Variants in TLN2 observed in about 807,000 individuals in gnomAD.
TLN2 encodes talin 2.
Under a neutral mutation model 294.7 loss-of-function variants are expected in TLN2, and 118 were observed. The observed-to-expected ratio is 0.40, with a 90% CI of 0.34 to 0.47. The LOEUF (loss-of-function observed/expected upper bound fraction) is 0.47. TLN2 is among the 20% of genes least tolerant of loss of function. TLN2 has a pLI of 0.84. For missense variants in TLN2, 3,083 were observed against 3,282.2 expected, an observed-to-expected ratio of 0.94 and a Z score of 1.48; for synonymous variants, 1,431 against 1,304.5, an observed-to-expected ratio of 1.10 and a Z score of -2.09.
chr15:62,675,515 C>G (rs1413829370), intron 11 of TLN2, among the ~76,000 whole-genome samples, 194 bp downstream of exon 11: 1 of 152,226 alleles, frequency 6.6e-6, no homozygotes, highest in Non-Finnish European at 1.5e-5. Context: ...TGAGTGAGCG[C>G]TGCTGTCCAG....
intron 3 of TLN2, among the ~76,000 whole-genome samples, chr15:62,619,999 G>C (rs556809413): frequency 1.4e-3 from 218 of 152,082 alleles, no homozygotes; most frequent in Non-Finnish European, 1.7e-3. Context: ...TTTAGAGATG[G>C]AGGTCTTGCT....
At chr15:62,819,492 C>G in intron 52 of TLN2, 24 bp from the exon 53 acceptor site, 1 of 1,597,274 alleles carries the variant, frequency 6.3e-7, no homozygotes, top group Non-Finnish European at 8.6e-7. Context: ...CCCCTCATGC[C>G]TCTGACTTGT....
At chr15:62,453,993 C>T (rs981027328) in intron 1 of TLN2, among the ~76,000 whole-genome samples, 5 of 152,248 alleles carry the variant, frequency 3.3e-5, no homozygotes, top group Admixed American at 1.3e-4. Flanking sequence ...GTGCCAGTGG[C>T]TGACCCCTGG....
chr15:62,831,760 T>C (rs932301336), intron 54 of TLN2: 1 of 152,196 alleles, frequency 6.6e-6, no homozygotes, highest in Non-Finnish European at 1.5e-5. Context: ...TGCATTGAAA[T>C]TGTATTTTGA....
intron 9 of TLN2, among the ~76,000 whole-genome samples, chr15:62,666,490 C>T (rs576297145): frequency 6.6e-6 from 1 of 152,300 alleles, no homozygotes; most frequent in South Asian, 2.1e-4. Flanking sequence ...TGACCTTGGA[C>T]TTCCCAGCCT....
chr15:62,432,947 A>G (rs553250175), intron 1 of TLN2, among the ~76,000 whole-genome samples: 25 of 152,210 alleles, frequency 1.6e-4, no homozygotes, highest in African/African-American at 5.8e-4. Context: ...AGGCATGGGG[A>G]GTACTCATCC....
chr15:62,756,399 A>G (rs1207706651), intron 37 of TLN2, among the ~76,000 whole-genome samples: 1 of 152,180 alleles, frequency 6.6e-6, no homozygotes, highest in Non-Finnish European at 1.5e-5. Flanking sequence ...GCCCTCAGCT[A>G]GGACCAAGCA....
chr15:62,833,447 A>T, intron 54 of TLN2, 57 bp from the exon 55 acceptor site: 1 of 1,587,392 alleles, frequency 6.3e-7, no homozygotes. Context: ...GTAGTTTGGA[A>T]GAAAGAGCCC....
chr15:62,812,269 C>G (rs759302249), intron 52 of TLN2, among the ~76,000 whole-genome samples: 43 of 152,168 alleles, frequency 2.8e-4, no homozygotes, highest in Non-Finnish European at 2.5e-4. Flanking sequence ...TTTCACTTCT[C>G]CCCAGTTCCA....
chr15:62,474,900 G>C (rs2037699787), intron 1 of TLN2, among the ~76,000 whole-genome samples: 1 of 151,842 alleles, frequency 6.6e-6, no homozygotes, highest in Non-Finnish European at 1.5e-5. Flanking sequence ...TCTTGACCCA[G>C]AGTAACTAGA....
chr15:62,722,509 G>A (rs745955002), intron 26 of TLN2, 22 bp downstream of exon 26: 13 of 1,594,890 alleles, frequency 8.2e-6, no homozygotes, highest in African/African-American at 2.7e-5. Context: ...GTGTCATAGG[G>A]GTTAACTTGT....
intron 1 of TLN2, among the ~76,000 whole-genome samples, chr15:62,421,678 T>G (rs1595765102): frequency 6.9e-6 from 1 of 145,126 alleles, no homozygotes; most frequent in African/African-American, 2.6e-5. Context: ...TATTGGAGGG[T>G]AGGGGGTGGG....
rs551118829 is a variant in TLN2 at position 62,518,317 on chromosome 15, G to A, written c.-237-71370G>A. Among the ~76,000 whole-genome samples, 43 of 152,244 alleles carry A rather than the reference G, an allele frequency of 2.8e-4. 1 individual carries two copies. The South Asian group carries it at 8.1e-3, about 29-fold the overall frequency. ...CTCCCAAAGTGCTGGGATTATAGGC[G>A]TGAGCCACCACCAGCACATTTCTTT... On this transcript the variant is annotated intron_variant, in intron 1 of 58. Coordinates refer to ENST00000636159, the MANE Select transcript of TLN2 (RefSeq NM_015059.3).
intron 48 of TLN2, among the ~76,000 whole-genome samples, chr15:62,797,849 G>A (rs902056888): frequency 1.3e-5 from 2 of 152,228 alleles, no homozygotes; most frequent in Non-Finnish European, 2.9e-5. Flanking sequence ...GCACGGGGCT[G>A]TGGGTTCAGC....
intron 19 of TLN2, among the ~76,000 whole-genome samples, chr15:62,704,002 T>C (rs2141106945): frequency 6.6e-6 from 1 of 152,356 alleles, no homozygotes; most frequent in South Asian, 2.1e-4. Flanking sequence ...GCAAGTAATA[T>C]ATAAATATAT....
chr15:62,745,605 A>G (rs1414039704), intron 32 of TLN2, among the ~76,000 whole-genome samples: 2 of 152,150 alleles, frequency 1.3e-5, no homozygotes. Flanking sequence ...TTCCTTAATC[A>G]CGTAACACAT....
Position 62,763,575 on chromosome 15 carries a change from T to C in TLN2, c.4974T>C (p.Pro1658=), listed in dbSNP as rs2062808903. 2.5e-6 allele frequency: 4 copies of C among 1,611,768 alleles called. No homozygotes were observed. Among genetic ancestry groups the C allele is most frequent in the African/African-American group, 1.3e-5 (1 of 74,866 alleles). The stretch of plus-strand genomic sequence containing the variant: ...CTATTCCTTCCAGGGACAAGGCCCC[T>C]GGACAGAGGGAGTGTGATTACTCCA... ...SLITSIRDKA[P]GQRECDYSID... is the part of the protein sequence containing the mutation. Residue 1658 remains proline (P), a synonymous_variant, in exon 40 of 59, where the codon CCT becomes CCC. Transcript: ENST00000636159.
At chr15:62,837,818 T>TCATAGTTTGC in intron 57 of TLN2, among the ~76,000 whole-genome samples, 1 of 152,326 alleles carries the variant, frequency 6.6e-6, no homozygotes, top group Admixed American at 6.5e-5. Context: ...GTGCAAGCCC[T>TCATAGTTTGC]CATAGTTTGC....
intron 1 of TLN2, among the ~76,000 whole-genome samples, chr15:62,576,579 T>C (rs1363799889): frequency 3.4e-5 from 5 of 145,212 alleles, no homozygotes; most frequent in African/African-American, 1.3e-4. Context: ...GAGACATGAG[T>C]AAGACATTGC....
Sources: allele counts gnomAD v4.1 joint callset (sites outside exome capture counted in the v4.1 genomes callset), GRCh38; gene constraint gnomAD v4.1.1; transcripts MANE v1.5; gene names NCBI Gene and HGNC (gene_info 2026-07-23, HGNC 2026-07-21).